Variants in STIM2 observed in about 807,000 individuals in gnomAD.
STIM2 encodes the protein stromal interaction molecule 2.
STIM2 carries 31 observed loss-of-function variants against 85.8 expected under a neutral mutation model. That is an observed-to-expected ratio of 0.36 (90% confidence interval 0.27 to 0.49). The LOEUF (loss-of-function observed/expected upper bound fraction) is 0.49. Among genes scored for constraint, STIM2 ranks in the 20% least tolerant of loss-of-function variants. The probability of loss-of-function intolerance (pLI) is 0.98; values close to 1 mark genes in which losing one functional copy is unlikely to be tolerated. For missense variants in STIM2, 841 were observed against 927.6 expected (o/e 0.91, Z 1.21); for synonymous variants, 356 against 331.1 (o/e 1.08, Z -0.82).
At chr4:27,012,055 A>G (rs535959537) in intron 10 of STIM2, among the ~76,000 whole-genome samples, 5 of 152,242 alleles carry the variant, frequency 3.3e-5, no homozygotes, top group African/African-American at 1.2e-4. Flanking sequence ...ATATACGGGT[A>G]AACAGTTGTC....
chr4:26,861,529 C>T (rs527322752), intron 1 of STIM2, 160 bp downstream of exon 1: 3 of 1,122,332 alleles, frequency 2.7e-6, no homozygotes, highest in Admixed American at 4.4e-5. Flanking sequence ...CCCCTGCACT[C>T]CGGACGTCTT....
intron 2 of STIM2, among the ~76,000 whole-genome samples, chr4:26,933,632 C>T (rs1725281705): frequency 6.8e-6 from 1 of 147,776 alleles, no homozygotes; most frequent in Admixed American, 6.9e-5. Context: ...AGGGTGGTAG[C>T]ACACACTTGT....
At chr4:26,932,101 T>C (rs1725225686) in intron 2 of STIM2, among the ~76,000 whole-genome samples, 1 of 152,200 alleles carries the variant, frequency 6.6e-6, no homozygotes, top group African/African-American at 2.4e-5. Flanking sequence ...TCTACTCTTA[T>C]TATCTTATAT....
At chr4:26,962,253 A>C (rs1046708882) in intron 3 of STIM2, among the ~76,000 whole-genome samples, 1 of 152,234 alleles carries the variant, frequency 6.6e-6, no homozygotes, top group Non-Finnish European at 1.5e-5. Context: ...AAAGTACTTG[A>C]CATAATTTAT....
At chr4:27,000,617 C>A (rs1290682546) in intron 5 of STIM2, among the ~76,000 whole-genome samples, 1 of 151,982 alleles carries the variant, frequency 6.6e-6, no homozygotes, top group Non-Finnish European at 1.5e-5. Flanking sequence ...AATTATATTA[C>A]CAAGTCATTT....
chr4:27,019,350 G>A (rs1031358104), intron 11 of STIM2: 9 of 1,076,016 alleles, frequency 8.4e-6, no homozygotes, highest in African/African-American at 8.1e-5. Context: ...AATCTGATGC[G>A]ACTTTGCTTG....
intron 2 of STIM2, among the ~76,000 whole-genome samples, chr4:26,923,132 G>A (rs933811374): frequency 6.6e-6 from 1 of 151,180 alleles, no homozygotes; most frequent in Non-Finnish European, 1.5e-5. Flanking sequence ...ACGTCACACG[G>A]CAGGGTATTC....
intron 2 of STIM2, among the ~76,000 whole-genome samples, chr4:26,927,849 A>C (rs192186003): frequency 7.3e-6 from 1 of 136,154 alleles, no homozygotes; most frequent in Non-Finnish European, 1.5e-5. Context: ...ATTATATATT[A>C]ATATATAATT....
chr4:26,887,836 T>A (rs1466662146), intron 1 of STIM2, among the ~76,000 whole-genome samples: 1 of 152,194 alleles, frequency 6.6e-6, no homozygotes, highest in Non-Finnish European at 1.5e-5. Flanking sequence ...TATCTACATA[T>A]CTACATAGAT....
At chr4:26,863,591 C>T (rs1284960802) in intron 1 of STIM2, among the ~76,000 whole-genome samples, 1 of 151,994 alleles carries the variant, frequency 6.6e-6, no homozygotes, top group African/African-American at 2.4e-5. Flanking sequence ...TATGCAAAGC[C>T]TAGAACCTAA....
chr4:26,921,511 A>G (rs1313957865), intron 2 of STIM2, among the ~76,000 whole-genome samples: 5 of 152,250 alleles, frequency 3.3e-5, no homozygotes, highest in Non-Finnish European at 5.9e-5. Flanking sequence ...AGACAGTACA[A>G]GAACTAACGG....
At chr4:26,957,548 T>C in intron 2 of STIM2, 64 bp from the exon 3 acceptor site, 1 of 973,194 alleles carries the variant, frequency 1.0e-6, no homozygotes, top group South Asian at 2.1e-5. Flanking sequence ...ATTTCATCTT[T>C]TTCTCTAGTT....
chr4:26,954,661 A>C (rs535416066), intron 2 of STIM2, among the ~76,000 whole-genome samples: 1 of 148,490 alleles, frequency 6.7e-6, no homozygotes, highest in African/African-American at 2.6e-5. Context: ...GAAAAGTCTG[A>C]ACAATCAGAA....
chr4:26,957,846 T>C, intron 3 of STIM2, 120 bp downstream of exon 3: 1 of 604,312 alleles, frequency 1.7e-6, no homozygotes, highest in South Asian at 2.0e-5. Flanking sequence ...TCTGTGAGGA[T>C]ATTTATATTT....
chr4:26,909,550 A>G (rs942732926), intron 1 of STIM2, among the ~76,000 whole-genome samples: 16 of 152,204 alleles, frequency 1.1e-4, no homozygotes, highest in Admixed American at 5.9e-4. Context: ...AACGTATTGC[A>G]CTTGGATCAA....
chr4:26,920,471 T>C (rs1724755710), intron 2 of STIM2, among the ~76,000 whole-genome samples: 1 of 152,210 alleles, frequency 6.6e-6, no homozygotes, highest in East Asian at 1.9e-4. Context: ...TGTTGTCTCA[T>C]TCTAACCAAA....
chr4:26,916,318 C>T (rs993588084), intron 1 of STIM2, among the ~76,000 whole-genome samples: 1 of 152,142 alleles, frequency 6.6e-6, no homozygotes, highest in Non-Finnish European at 1.5e-5. Flanking sequence ...TCCTGTCTTT[C>T]CTCTGCTGCT....
chr4:26,871,284 C>T (rs770516749), intron 1 of STIM2, among the ~76,000 whole-genome samples: 7 of 152,152 alleles, frequency 4.6e-5, no homozygotes, highest in African/African-American at 1.4e-4. Flanking sequence ...TTAAAAAACC[C>T]CCCTGTGCCA....
intron 11 of STIM2, among the ~76,000 whole-genome samples, chr4:27,018,920 C>G (rs1728823543): frequency 6.6e-6 from 1 of 152,152 alleles, no homozygotes; most frequent in Non-Finnish European, 1.5e-5. Flanking sequence ...TATCATATGC[C>G]AAAGGTTTAA....
Sources: gnomAD v4.1 joint callset for allele counts (sites outside exome capture counted in the v4.1 genomes callset) on GRCh38, gnomAD v4.1.1 for gene constraint, MANE v1.5 for transcripts, NCBI Gene and HGNC (gene_info 2026-07-23, HGNC 2026-07-21) for gene names.